ASIC2: variants seen among roughly 807,000 people sequenced by gnomAD.
ASIC2 encodes acid sensing ion channel subunit 2.
ASIC2 carries 25 observed loss-of-function variants against 57.3 expected under a neutral mutation model. The ratio of observed to expected loss-of-function variants is 0.44; its 90% CI spans 0.32 to 0.61. The LOEUF (loss-of-function observed/expected upper bound fraction) is 0.61, where lower values mean the gene tolerates loss of function less well. Ranked by LOEUF, ASIC2 falls within the 20% of genes least tolerant of loss-of-function variation. The probability of loss-of-function intolerance (pLI) is 0.06; values close to 1 mark genes in which losing one functional copy is unlikely to be tolerated. For missense variants in ASIC2, 641 were observed against 738.1 expected, an observed-to-expected ratio of 0.87 and a Z score of 1.52; for synonymous variants, 319 against 307.5, an observed-to-expected ratio of 1.04 and a Z score of -0.39.
At chr17:33,270,202 G>T (rs954441464) in intron 1 of ASIC2, among the ~76,000 whole-genome samples, 7 of 152,148 alleles carry the variant, frequency 4.6e-5, no homozygotes, top group Non-Finnish European at 8.8e-5. Context: ...CCCCCAGGTT[G>T]GCAAGTTATT....
intron 1 of ASIC2, among the ~76,000 whole-genome samples, chr17:34,034,067 A>T (rs1292669446): frequency 6.6e-6 from 1 of 152,216 alleles, no homozygotes; most frequent in African/African-American, 2.4e-5. Context: ...AAAAAAGAGA[A>T]TTTTAGACCA....
At chr17:33,160,957 T>C (rs1479685388) in intron 1 of ASIC2, among the ~76,000 whole-genome samples, 1 of 152,132 alleles carries the variant, frequency 6.6e-6, no homozygotes, top group Non-Finnish European at 1.5e-5. Context: ...AAATTCAACA[T>C]AAAGGAGGTG....
intron 1 of ASIC2, among the ~76,000 whole-genome samples, chr17:33,930,446 A>C (rs1471602667): frequency 2.0e-5 from 3 of 152,200 alleles, no homozygotes; most frequent in Non-Finnish European, 2.9e-5. Context: ...TTTTCTATCC[A>C]GGATCTCAGT....
intron 1 of ASIC2, among the ~76,000 whole-genome samples, chr17:33,477,440 T>C: frequency 6.6e-6 from 1 of 152,220 alleles, no homozygotes; most frequent in Non-Finnish European, 1.5e-5. Context: ...GGGCTTGAAC[T>C]AACATGACTT....
At position 33,458,122 on chromosome 17, in the gene ASIC2, T is replaced by C. The variant is rs114274992; in HGVS notation, c.556-346055A>G. The stretch of plus-strand genomic sequence containing the variant: ...TAAGTAGTAGATCAATGGCAGGTTA[T>C]GGAGTGGAAGGGGTTCCAGACGGAG... On this transcript the variant is annotated intron_variant, in intron 1 of 9. Transcript: ENST00000359872. 9.0e-3 allele frequency among the ~76,000 whole-genome samples: 1,371 copies of C among 152,198 alleles called. 16 individuals are homozygous for C. The highest frequency in any genetic ancestry group is 0.032 in the African/African-American group (1,315 of 41,506).
intron 1 of ASIC2, among the ~76,000 whole-genome samples, chr17:33,526,651 C>A (rs565694712): frequency 0.013 from 1,944 of 152,248 alleles, no homozygotes; most frequent in African/African-American, 0.045. Context: ...CTGCCCTCAT[C>A]AGGCCCTTAT....
intron 1 of ASIC2, among the ~76,000 whole-genome samples, chr17:33,372,559 T>A (rs1909113991): frequency 6.6e-6 from 1 of 152,120 alleles, no homozygotes; most frequent in Admixed American, 6.5e-5. Context: ...TCTCCCTACT[T>A]GGCTGCTGGG....
At chr17:33,432,468 G>A (rs1911453611) in intron 1 of ASIC2, among the ~76,000 whole-genome samples, 1 of 152,140 alleles carries the variant, frequency 6.6e-6, no homozygotes, top group Non-Finnish European at 1.5e-5. Flanking sequence ...GGTCGAAGCT[G>A]CTGTGAGCCA....
At chr17:33,493,398 G>C (rs1358563727) in intron 1 of ASIC2, among the ~76,000 whole-genome samples, 1 of 152,184 alleles carries the variant, frequency 6.6e-6, no homozygotes, top group African/African-American at 2.4e-5. Flanking sequence ...TTTCCCCCAA[G>C]GGCATCCCCT....
intron 1 of ASIC2, among the ~76,000 whole-genome samples, chr17:33,566,622 C>T (rs1916242111): frequency 6.6e-6 from 1 of 152,164 alleles, no homozygotes; most frequent in Non-Finnish European, 1.5e-5. Context: ...TACAGCAGAA[C>T]AGTCATAGAA....
chr17:33,313,405 A>G (rs1906514605), intron 1 of ASIC2, among the ~76,000 whole-genome samples: 1 of 152,066 alleles, frequency 6.6e-6, no homozygotes, highest in South Asian at 2.1e-4. Context: ...TAGGACTCAA[A>G]ATCTTTCTTT....
At chr17:34,039,430 G>A (rs536057349) in intron 1 of ASIC2, 9 of 1,613,730 alleles carry the variant, frequency 5.6e-6, no homozygotes, top group African/African-American at 2.7e-5. Flanking sequence ...TGACATGAGG[G>A]TTGGCAGAGC....
intron 1 of ASIC2, among the ~76,000 whole-genome samples, chr17:33,445,042 G>C (rs1304480900): frequency 6.6e-6 from 1 of 152,124 alleles, no homozygotes; most frequent in Non-Finnish European, 1.5e-5. Flanking sequence ...TTACTAACTG[G>C]CCCTTTGCAG....
intron 3 of ASIC2, among the ~76,000 whole-genome samples, chr17:33,064,318 T>C (rs2092033885): frequency 6.6e-6 from 1 of 152,212 alleles, no homozygotes; most frequent in Non-Finnish European, 1.5e-5. Flanking sequence ...TTGATGATGG[T>C]GACGTACAGA....
chr17:33,172,416 T>C (rs1268160781), intron 1 of ASIC2, among the ~76,000 whole-genome samples: 1 of 152,214 alleles, frequency 6.6e-6, no homozygotes, highest in Admixed American at 6.5e-5. Context: ...CCTTGGCAGA[T>C]GGGCAGCTCA....
chr17:33,064,225 G>A (rs555490932), intron 3 of ASIC2, among the ~76,000 whole-genome samples: 18 of 152,352 alleles, frequency 1.2e-4, no homozygotes, highest in Non-Finnish European at 2.2e-4. Flanking sequence ...CTTTGGAGGA[G>A]GAGAGGCGCT....
chr17:34,000,331 A>G (rs552114465), intron 1 of ASIC2, among the ~76,000 whole-genome samples: 41 of 146,944 alleles, frequency 2.8e-4, no homozygotes, highest in Admixed American at 4.8e-4. Flanking sequence ...GGCTCACCGC[A>G]ACCTCCACCT....
At chr17:33,876,299 A>G (rs1010055072) in intron 1 of ASIC2, among the ~76,000 whole-genome samples, 1 of 152,224 alleles carries the variant, frequency 6.6e-6, no homozygotes, top group Non-Finnish European at 1.5e-5. Flanking sequence ...TGTCACCCAC[A>G]TGGAATTGCC....
intron 1 of ASIC2, among the ~76,000 whole-genome samples, chr17:33,776,262 T>G (rs1017909156): frequency 6.6e-6 from 1 of 151,816 alleles, no homozygotes; most frequent in Non-Finnish European, 1.5e-5. Flanking sequence ...GTCCTGAGGG[T>G]GAAACCCTCA....
Sources: allele counts gnomAD v4.1 joint callset (sites outside exome capture counted in the v4.1 genomes callset), GRCh38; gene constraint gnomAD v4.1.1; transcripts MANE v1.5; gene names NCBI Gene and HGNC (gene_info 2026-07-23, HGNC 2026-07-21).